Variants in CA10 observed in about 807,000 individuals in gnomAD.
The protein encoded by CA10 is carbonic anhydrase 10 (inactive).
Under a neutral mutation model 44.2 loss-of-function variants are expected in CA10, and 14 were observed. The ratio of observed to expected loss-of-function variants is 0.32; its 90% confidence interval spans 0.21 to 0.50. The LOEUF is 0.50. Among genes scored for constraint, CA10 ranks in the 20% least tolerant of loss-of-function variants. The pLI, the probability that CA10 is intolerant of heterozygous loss-of-function variation, is 0.99. For missense variants in CA10, 350 were observed against 409.7 expected, an observed-to-expected ratio of 0.85 and a Z score of 1.26; for synonymous variants, 159 against 141.6, an observed-to-expected ratio of 1.12 and a Z score of -0.87.
At chr17:51,809,185 C>G (rs1907256631) in intron 3 of CA10, among the ~76,000 whole-genome samples, 1 of 151,976 alleles carries the variant, frequency 6.6e-6, no homozygotes, top group South Asian at 2.1e-4. Flanking sequence ...TTTATTTTGA[C>G]CTATTGCTTA....
intron 8 of CA10, 77 bp downstream of exon 8, chr17:51,633,399 A>C: frequency 7.6e-7 from 1 of 1,317,388 alleles, no homozygotes; most frequent in East Asian, 2.3e-5. Flanking sequence ...AGATAATGCC[A>C]GGCCTTTAAG....
chr17:51,859,227 T>C (rs1393046189), intron 3 of CA10, among the ~76,000 whole-genome samples: 1 of 152,110 alleles, frequency 6.6e-6, no homozygotes, highest in Non-Finnish European at 1.5e-5. Context: ...AAGAAAGTGT[T>C]GTAATCACTT....
chr17:52,005,356 T>C (rs1424263154), intron 2 of CA10, among the ~76,000 whole-genome samples: 1 of 151,988 alleles, frequency 6.6e-6, no homozygotes, highest in Non-Finnish European at 1.5e-5. Context: ...CCATTAATTA[T>C]TGATCTCTAA....
At chr17:51,866,869 G>T (rs1005920718) in intron 3 of CA10, among the ~76,000 whole-genome samples, 5 of 152,068 alleles carry the variant, frequency 3.3e-5, no homozygotes, top group Non-Finnish European at 7.4e-5. Flanking sequence ...ATGCAAGTTA[G>T]ATAATTATCA....
intron 3 of CA10, among the ~76,000 whole-genome samples, chr17:51,847,520 A>C (rs1175579104): frequency 6.6e-6 from 1 of 152,168 alleles, no homozygotes; most frequent in Non-Finnish European, 1.5e-5. Context: ...ATAATAACGC[A>C]TATCATCTAA....
chr17:52,155,196 A>G (rs371102139), intron 1 of CA10, among the ~76,000 whole-genome samples: 10 of 152,338 alleles, frequency 6.6e-5, no homozygotes, highest in African/African-American at 2.4e-4. Flanking sequence ...AATGTCTGGT[A>G]ACTCTGTAAG....
intron 1 of CA10, among the ~76,000 whole-genome samples, chr17:52,118,268 T>C (rs1988940402): frequency 6.6e-6 from 1 of 152,218 alleles, no homozygotes; most frequent in East Asian, 1.9e-4. Flanking sequence ...ATGAGCGATT[T>C]TCATTTGCCT....
rs542748057 is a variant in CA10, at chr17:52,122,625, G to A, written c.61+35101C>T. Among the ~76,000 whole-genome samples the A allele has an allele frequency of 2.6e-5, 4 of 152,204 alleles. No individual in the cohort carries two copies. The South Asian group carries it at 8.3e-4, about 32-fold the overall frequency. ...TGTATCACTAGAAAGAACAAGTATT[G>A]TCTTCTGATATAGCCTTCCATAATA... is the stretch of plus-strand genomic sequence containing the variant. On this transcript the variant is annotated intron_variant, in intron 1 of 8. Coordinates refer to ENST00000451037, the MANE Select transcript of CA10 (RefSeq NM_020178.5).
At chr17:51,756,306 A>G (rs915552246) in intron 3 of CA10, among the ~76,000 whole-genome samples, 17 of 152,118 alleles carry the variant, frequency 1.1e-4, no homozygotes, top group African/African-American at 4.1e-4. Flanking sequence ...AGGAGACAGA[A>G]GCTCAAAGGG....
chr17:52,021,702 T>C (rs1446122758), intron 2 of CA10, among the ~76,000 whole-genome samples: 2 of 151,920 alleles, frequency 1.3e-5, no homozygotes, highest in East Asian at 1.9e-4. Context: ...ATAAGCACTA[T>C]CAGAAACAAC....
chr17:51,700,499 A>G (rs1352860877), intron 4 of CA10, among the ~76,000 whole-genome samples: 1 of 152,086 alleles, frequency 6.6e-6, no homozygotes, highest in Non-Finnish European at 1.5e-5. Context: ...GCACAGTTCC[A>G]TGGGCCTCCA....
At position 51,710,921 on chromosome 17, in the gene CA10, C is replaced by CTTTTTTT. The variant is rs55854155; in HGVS notation, c.465+36705_465+36711dup. On this transcript the variant is annotated intron_variant, in intron 4 of 8. Transcript: ENST00000451037. ...ATGCCAAAGACTGAACAACATTTTG[C>CTTTTTTT]TTTTTTTTTTTTTTTTTTTTTTTGC... Among the ~76,000 whole-genome samples the CTTTTTTT allele has an allele frequency of 2.3e-3, 198 of 84,472 alleles. 1 individual carries two copies. The highest frequency in any genetic ancestry group is 3.1e-3 in the Non-Finnish European group (145 of 47,048). 55.4% of individuals were successfully genotyped at this position (84,472 alleles called of 152,430 possible).
chr17:51,650,919 G>A (rs527552564), intron 5 of CA10, among the ~76,000 whole-genome samples: 48 of 152,282 alleles, frequency 3.2e-4, no homozygotes, highest in African/African-American at 1.0e-3. Flanking sequence ...ATATGTACTT[G>A]GTATAAGTGA....
intron 3 of CA10, among the ~76,000 whole-genome samples, chr17:51,831,639 A>G (rs1415140703): frequency 7.1e-6 from 1 of 140,152 alleles, no homozygotes; most frequent in African/African-American, 2.8e-5. Flanking sequence ...GGCATCTTCA[A>G]AATGGATTGT....
intron 4 of CA10, among the ~76,000 whole-genome samples, chr17:51,699,477 GC>G (rs1351446120): frequency 6.6e-6 from 1 of 152,084 alleles, no homozygotes; most frequent in Non-Finnish European, 1.5e-5. Flanking sequence ...CAGCCCCCAG[GC>G]CTACTAATTC....
At chr17:51,663,066 C>T (rs1358529977) in intron 4 of CA10, among the ~76,000 whole-genome samples, 1 of 152,118 alleles carries the variant, frequency 6.6e-6, no homozygotes, top group Non-Finnish European at 1.5e-5. Context: ...TATAGGGATG[C>T]ATCTATCTAA....
intron 5 of CA10, among the ~76,000 whole-genome samples, chr17:51,651,613 T>C (rs112666580): frequency 0.019 from 2,916 of 152,304 alleles, 65 homozygotes; most frequent in African/African-American, 0.049. Flanking sequence ...CCCCAGCTGC[T>C]AGTCACCAGC....
intron 3 of CA10, among the ~76,000 whole-genome samples, chr17:51,920,286 T>C (rs555160930): frequency 2.0e-5 from 3 of 151,980 alleles, no homozygotes; most frequent in African/African-American, 7.2e-5. Flanking sequence ...CTTGGTCATA[T>C]GTATACAGAA....
chr17:51,786,809 G>A (rs545326525), intron 3 of CA10, among the ~76,000 whole-genome samples: 1 of 152,070 alleles, frequency 6.6e-6, no homozygotes, highest in African/African-American at 2.4e-5. Flanking sequence ...CTAGATGTGG[G>A]TCTGTCATAT....
Sources: gnomAD v4.1 joint callset for allele counts (sites outside exome capture counted in the v4.1 genomes callset) on GRCh38, gnomAD v4.1.1 for gene constraint, MANE v1.5 for transcripts, NCBI Gene and HGNC (gene_info 2026-07-23, HGNC 2026-07-21) for gene names.